CSMD2: variants seen among roughly 807,000 people sequenced by gnomAD.
CSMD2 encodes the protein CUB and Sushi multiple domains 2, also known as CUB and sushi domain-containing protein 2.
A neutral mutation model predicts 398.5 loss-of-function variants in CSMD2; 130 were observed. The ratio of observed to expected loss-of-function variants is 0.33; its 90% confidence interval spans 0.28 to 0.38. CSMD2 has a LOEUF of 0.38. Ranked by LOEUF, CSMD2 falls within the 10% of genes least tolerant of loss-of-function variation. CSMD2 has a pLI of 1.00. For missense variants in CSMD2, 3,829 were observed against 4,764.9 expected, an observed-to-expected ratio of 0.80 and a Z score of 5.78; for synonymous variants, 1,828 against 1,908.5, an observed-to-expected ratio of 0.96 and a Z score of 1.10.
rs145991497 is a variant in CSMD2 at position 34,107,410 on chromosome 1, C to T, written c.188-18217G>A. Among the ~76,000 whole-genome samples, 1,163 of 152,134 alleles carry T rather than the reference C, an allele frequency of 7.6e-3. 5 individuals carry two copies. Among genetic ancestry groups the T allele is most frequent in the Non-Finnish European group, 0.012 (826 of 68,012 alleles). ...TTTTTCTGTGCCAAGTACTGTCCTA[C>T]GCACTGTACATATAATAATTCATTC... On this transcript the variant is annotated intron_variant, in intron 1 of 70. Coordinates refer to ENST00000373381, the MANE Select transcript of CSMD2 (RefSeq NM_001281956.2).
At chr1:33,579,197 T>C (rs996414943) in intron 48 of CSMD2, among the ~76,000 whole-genome samples, 5 of 152,186 alleles carry the variant, frequency 3.3e-5, no homozygotes, top group African/African-American at 4.8e-5. Context: ...GCAACCAGCA[T>C]AGTGAAATGC....
At chr1:33,729,629 C>T (rs560191093) in intron 15 of CSMD2, among the ~76,000 whole-genome samples, 4 of 150,268 alleles carry the variant, frequency 2.7e-5, no homozygotes, top group East Asian at 3.9e-4. Flanking sequence ...ATCCCTCCCC[C>T]CTCCCCCCAC....
At chr1:33,672,906 CTGTT>C (rs1271822719) in intron 25 of CSMD2, among the ~76,000 whole-genome samples, 1 of 152,200 alleles carries the variant, frequency 6.6e-6, no homozygotes, top group African/African-American at 2.4e-5. Context: ...AGGGTCCTGA[CTGTT>C]AGAAGGAAAA....
At chr1:33,739,059 A>G (rs1646971879) in intron 15 of CSMD2, 81 bp downstream of exon 15, 1 of 1,394,524 alleles carries the variant, frequency 7.2e-7, no homozygotes, top group Non-Finnish European at 9.8e-7. Context: ...GAAAGGAACC[A>G]CCATGGCCTG....
chr1:33,866,758 A>G (rs1305935010), intron 5 of CSMD2, among the ~76,000 whole-genome samples: 1 of 152,028 alleles, frequency 6.6e-6, no homozygotes, highest in African/African-American at 2.4e-5. Flanking sequence ...TCCAGCCTGT[A>G]CACTCATACA....
intron 25 of CSMD2, among the ~76,000 whole-genome samples, chr1:33,669,309 G>A (rs1644414772): frequency 6.6e-6 from 1 of 152,168 alleles, no homozygotes; most frequent in South Asian, 2.1e-4. Flanking sequence ...GAGAAAGATG[G>A]CAAAAGAGGG....
intron 15 of CSMD2, among the ~76,000 whole-genome samples, chr1:33,733,099 T>G (rs1646773537): frequency 6.6e-6 from 1 of 152,194 alleles, no homozygotes; most frequent in African/African-American, 2.4e-5. Flanking sequence ...CCTCAACCAC[T>G]GCTTCTGTAA....
rs116643818 is a variant in CSMD2, at chr1:34,123,985, T to C, written c.188-34792A>G. Reference sequence around the variant, plus strand: ...TGTACAGTCCCTTATGTGCTTGACATTGACAATAACCCAGGCAGGCTTGGA... The same window carrying C: ...TGTACAGTCCCTTATGTGCTTGACACTGACAATAACCCAGGCAGGCTTGGA... On this transcript the variant is annotated intron_variant, in intron 1 of 70. Coordinates refer to ENST00000373381, the MANE Select transcript of CSMD2 (RefSeq NM_001281956.2). Among the ~76,000 whole-genome samples, 1,475 of 152,252 alleles carry C rather than the reference T, an allele frequency of 9.7e-3. 22 individuals carry two copies. The highest frequency in any genetic ancestry group is 0.034 in the African/African-American group (1,418 of 41,528).
chr1:34,039,204 G>T (rs1651537148), intron 2 of CSMD2, among the ~76,000 whole-genome samples: 2 of 152,140 alleles, frequency 1.3e-5, no homozygotes, highest in South Asian at 4.1e-4. Flanking sequence ...CACCCCTGTG[G>T]AGGTCAGGCC....
At chr1:34,117,501 G>A (rs1341688710) in intron 1 of CSMD2, among the ~76,000 whole-genome samples, 2 of 152,004 alleles carry the variant, frequency 1.3e-5, no homozygotes, top group East Asian at 3.9e-4. Context: ...AGGACCACAT[G>A]GATTCACTGG....
intron 5 of CSMD2, chr1:33,869,320 A>T (rs1363778047): frequency 6.6e-6 from 1 of 152,242 alleles, no homozygotes; most frequent in East Asian, 1.9e-4. Context: ...AAGGGAGATA[A>T]TGAGAAGCCT....
At chr1:33,892,806 T>C (rs1642115739) in intron 5 of CSMD2, among the ~76,000 whole-genome samples, 2 of 152,258 alleles carry the variant, frequency 1.3e-5, no homozygotes, top group Admixed American at 6.5e-5. Flanking sequence ...TTCTGCTTAC[T>C]TTTTGCTGTA....
chr1:34,079,499 T>G (rs764093553), intron 2 of CSMD2, among the ~76,000 whole-genome samples: 1 of 152,174 alleles, frequency 6.6e-6, no homozygotes, highest in East Asian at 1.9e-4. Context: ...TTTAAAAAAT[T>G]TCCATGTCAA....
chr1:33,966,709 C>T (rs796856081), intron 3 of CSMD2, among the ~76,000 whole-genome samples: 1 of 152,162 alleles, frequency 6.6e-6, no homozygotes, highest in East Asian at 1.9e-4. Flanking sequence ...CTCTGATTTG[C>T]AAGTGTTTGA....
chr1:34,094,251 G>C (rs1484970226), intron 1 of CSMD2, among the ~76,000 whole-genome samples: 1 of 152,060 alleles, frequency 6.6e-6, no homozygotes, highest in Admixed American at 6.5e-5. Flanking sequence ...AAGAGCTCCT[G>C]AAGGAAGTGC....
At chr1:34,045,035 C>CCATA (rs753466739) in intron 2 of CSMD2, among the ~76,000 whole-genome samples, 2,342 of 58,348 alleles carry the variant, frequency 0.04, 26 homozygotes, top group Non-Finnish European at 0.043. Flanking sequence ...TAATCACACA[C>CCATA]CATACACACA....
chr1:34,119,455 A>G (rs1661944685), intron 1 of CSMD2, among the ~76,000 whole-genome samples: 1 of 152,248 alleles, frequency 6.6e-6, no homozygotes. Context: ...CTGTGCAGCA[A>G]AGGAAATAGT....
chr1:33,789,369 T>A (rs980549783), intron 11 of CSMD2, among the ~76,000 whole-genome samples: 7 of 152,252 alleles, frequency 4.6e-5, no homozygotes, highest in Non-Finnish European at 8.8e-5. Flanking sequence ...CTTATCAATT[T>A]CCTACCCATT....
At chr1:33,747,806 T>A (rs1330085498) in intron 13 of CSMD2, among the ~76,000 whole-genome samples, 1 of 152,164 alleles carries the variant, frequency 6.6e-6, no homozygotes, top group African/African-American at 2.4e-5. Flanking sequence ...TCAATATAAG[T>A]CTCAAATATT....
Sources: gnomAD v4.1 joint callset for allele counts (sites outside exome capture counted in the v4.1 genomes callset) on GRCh38, gnomAD v4.1.1 for gene constraint, MANE v1.5 for transcripts, NCBI Gene and HGNC (gene_info 2026-07-23, HGNC 2026-07-21) for gene names.